Variants in KIFAP3 observed in about 807,000 individuals in gnomAD.
KIFAP3 encodes kinesin associated protein 3.
In KIFAP3, 68 loss-of-function variants were observed where a neutral mutation model predicts 106.5. That is an observed-to-expected ratio of 0.64 (90% CI 0.53 to 0.78). The LOEUF (loss-of-function observed/expected upper bound fraction) is 0.78. Ranked by LOEUF, KIFAP3 falls within the 30% of genes least tolerant of loss-of-function variation. The probability of loss-of-function intolerance (pLI) is 0.00; values close to 1 mark genes in which losing one functional copy is unlikely to be tolerated. For synonymous variants in KIFAP3, 320 were observed against 311.5 expected, an observed-to-expected ratio of 1.03 and a Z score of -0.29; for missense variants, 780 against 941.8, an observed-to-expected ratio of 0.83 and a Z score of 2.25.
chr1:169,985,980 A>G (rs1666808689), intron 11 of KIFAP3, among the ~76,000 whole-genome samples: 1 of 151,928 alleles, frequency 6.6e-6, no homozygotes, highest in Non-Finnish European at 1.5e-5. Flanking sequence ...AACTTAGTGT[A>G]TAGTACATAA....
intron 11 of KIFAP3, among the ~76,000 whole-genome samples, chr1:169,989,536 T>C (rs1666998099): frequency 6.6e-6 from 1 of 152,038 alleles, no homozygotes; most frequent in Non-Finnish European, 1.5e-5. Flanking sequence ...CTGTAGTAAA[T>C]CACCTGTAAT....
At chr1:170,058,011 A>T (rs1463551737) in intron 1 of KIFAP3, among the ~76,000 whole-genome samples, 1 of 152,150 alleles carries the variant, frequency 6.6e-6, no homozygotes, top group African/African-American at 2.4e-5. Flanking sequence ...TTCACAGAGT[A>T]ATATGAAACA....
intron 11 of KIFAP3, among the ~76,000 whole-genome samples, chr1:169,991,190 T>A (rs1399207571): frequency 6.6e-6 from 1 of 151,462 alleles, no homozygotes; most frequent in African/African-American, 2.4e-5. Context: ...AAATAAAAAA[T>A]AAAAAAATTA....
intron 10 of KIFAP3, among the ~76,000 whole-genome samples, chr1:170,004,387 C>T (rs913456991): frequency 6.6e-6 from 1 of 152,104 alleles, no homozygotes; most frequent in African/African-American, 2.4e-5. Context: ...AAAAAAGACC[C>T]CGCATTGCCA....
chr1:169,928,375 G>A (rs1663263411), intron 19 of KIFAP3, among the ~76,000 whole-genome samples: 1 of 152,044 alleles, frequency 6.6e-6, no homozygotes, highest in African/African-American at 2.4e-5. Flanking sequence ...TGGGATTACA[G>A]GCGTGAGCCA....
intron 10 of KIFAP3, among the ~76,000 whole-genome samples, chr1:170,015,556 A>G (rs1339624451): frequency 6.6e-6 from 1 of 152,222 alleles, no homozygotes; most frequent in Non-Finnish European, 1.5e-5. Flanking sequence ...TACTGAAACA[A>G]AGGAACAAAG....
At chr1:170,002,469 T>C (rs749158316) in intron 10 of KIFAP3, among the ~76,000 whole-genome samples, 11 of 152,178 alleles carry the variant, frequency 7.2e-5, no homozygotes, top group Non-Finnish European at 1.6e-4. Flanking sequence ...GCTATTGAAT[T>C]TAGGAGTCCC....
chr1:169,997,810 C>T (rs1479363949), intron 10 of KIFAP3, among the ~76,000 whole-genome samples: 6 of 139,488 alleles, frequency 4.3e-5, no homozygotes, highest in Non-Finnish European at 6.0e-5. Context: ...ATGGTGGTTG[C>T]AGTGAGCCGA....
At position 170,081,809 on chromosome 1, in the gene KIFAP3, G is replaced by A. The variant is rs190145079; in HGVS notation, n.174+3226C>T. Among the ~76,000 whole-genome samples, 18 of 152,134 alleles carry A rather than the reference G, an allele frequency of 1.2e-4. No homozygotes were observed. The East Asian group carries it at 3.1e-3, about 26-fold the overall frequency. On this transcript the variant is annotated intron_variant and non_coding_transcript_variant, in intron 1 of 5. Coordinates refer to the KIFAP3 transcript ENST00000490550. ...CTATCAAGTTCCTTTTGCCATGTAG[G>A]TAATATATTTACAGGTTCCAGAGAT...
intron 9 of KIFAP3, among the ~76,000 whole-genome samples, chr1:170,021,427 T>C (rs1188111089): frequency 1.3e-5 from 2 of 150,762 alleles, no homozygotes; most frequent in East Asian, 3.9e-4. Flanking sequence ...GGAGAGTTTG[T>C]TATTAAGTTT....
chr1:170,037,194 C>T (rs1257362054), intron 5 of KIFAP3, among the ~76,000 whole-genome samples: 1 of 152,118 alleles, frequency 6.6e-6, no homozygotes, highest in Non-Finnish European at 1.5e-5. Flanking sequence ...GTACCTGCCA[C>T]AGAATAAGTT....
intron 17 of KIFAP3, among the ~76,000 whole-genome samples, chr1:169,966,275 A>C (rs1665613300): frequency 1.3e-5 from 2 of 151,830 alleles, no homozygotes; most frequent in Non-Finnish European, 2.9e-5. Context: ...ACGACACAGC[A>C]CATGTTATTC....
intron 1 of KIFAP3, among the ~76,000 whole-genome samples, chr1:170,064,150 A>G (rs1671320474): frequency 6.6e-6 from 1 of 152,194 alleles, no homozygotes; most frequent in Non-Finnish European, 1.5e-5. Flanking sequence ...TAGCTTGAAC[A>G]TTATTTTAGG....
At chr1:169,970,332 T>C (rs1285785233) in intron 17 of KIFAP3, among the ~76,000 whole-genome samples, 1 of 152,034 alleles carries the variant, frequency 6.6e-6, no homozygotes, top group African/African-American at 2.4e-5. Context: ...TAATCCTCCT[T>C]GGTATCCAGA....
chr1:170,076,103 G>A (rs1671899702), upstream of KIFAP3, among the ~76,000 whole-genome samples: 1 of 152,120 alleles, frequency 6.6e-6, no homozygotes, highest in Non-Finnish European at 1.5e-5. Context: ...ATGTAAGTTA[G>A]CTCCTTGAGC....
At chr1:169,923,982 A>C (rs976703062) in intron 19 of KIFAP3, among the ~76,000 whole-genome samples, 1 of 38,378 alleles carries the variant, frequency 2.6e-5, no homozygotes, top group Non-Finnish European at 4.4e-5. Context: ...AAGTTGCAAA[A>C]TTCTCCCCCT....
intron 15 of KIFAP3, 125 bp from the exon 16 acceptor site, chr1:169,978,308 G>C (rs1666334853): frequency 6.7e-6 from 4 of 599,048 alleles, no homozygotes; most frequent in Non-Finnish European, 1.2e-5. Context: ...AGCAGAAATG[G>C]ATTTAACTTC....
At chr1:170,027,436 T>C (rs2102031439) in intron 8 of KIFAP3, among the ~76,000 whole-genome samples, 1 of 152,270 alleles carries the variant, frequency 6.6e-6, no homozygotes, top group Middle Eastern at 3.4e-3. Flanking sequence ...AGTTTAATTA[T>C]AAAAACGGAA....
At chr1:169,952,907 G>C (rs918374228) in intron 19 of KIFAP3, among the ~76,000 whole-genome samples, 3 of 151,962 alleles carry the variant, frequency 2.0e-5, no homozygotes, top group Admixed American at 2.0e-4. Context: ...TCGCACATTG[G>C]TCACAACTGT....
Sources: allele counts gnomAD v4.1 joint callset (sites outside exome capture counted in the v4.1 genomes callset), GRCh38; gene constraint gnomAD v4.1.1; transcripts MANE v1.5; gene names NCBI Gene and HGNC (gene_info 2026-07-23, HGNC 2026-07-21).